SH2D4A: variants seen among roughly 807,000 people sequenced by gnomAD.
SH2D4A encodes SH2 domain containing 4A.
Under a neutral mutation model 64.7 loss-of-function variants are expected in SH2D4A, and 70 were observed. That is an observed-to-expected ratio of 1.08 (90% CI 0.89 to 1.32). The LOEUF is 1.32. Among genes scored for constraint, SH2D4A ranks in the 40% most tolerant of loss-of-function variants. SH2D4A has a pLI of 0.00. For missense variants in SH2D4A, 706 were observed against 540.1 expected (o/e 1.31, Z -3.04); for synonymous variants, 268 against 200.7 (o/e 1.34, Z -2.83).
At chr8:19,390,931 C>T (rs924577616) in intron 8 of SH2D4A, among the ~76,000 whole-genome samples, 2 of 152,182 alleles carry the variant, frequency 1.3e-5, no homozygotes, top group Admixed American at 6.5e-5. Flanking sequence ...TTTTAGGAAT[C>T]CAGATTCATC....
intron 1 of SH2D4A, among the ~76,000 whole-genome samples, chr8:19,317,303 AT>A (rs761621347): frequency 0.39 from 37,900 of 97,392 alleles, 4,318 homozygotes; most frequent in Middle Eastern, 0.42. Flanking sequence ...CAAGACATCC[AT>A]TTTTTTTTTT....
chr8:19,384,543 T>C (rs1294775440), intron 8 of SH2D4A, among the ~76,000 whole-genome samples: 1 of 152,204 alleles, frequency 6.6e-6, no homozygotes, highest in Non-Finnish European at 1.5e-5. Flanking sequence ...GATAGCCAGA[T>C]TCCAACATTA....
chr8:19,356,760 C>A (rs1286495798), intron 4 of SH2D4A, among the ~76,000 whole-genome samples: 1 of 152,188 alleles, frequency 6.6e-6, no homozygotes, highest in Non-Finnish European at 1.5e-5. Context: ...TCCCACGCAC[C>A]AAACTTGTGC....
At chr8:19,330,767 C>CAA (rs146121853) in intron 2 of SH2D4A, among the ~76,000 whole-genome samples, 2 of 147,196 alleles carry the variant, frequency 1.4e-5, no homozygotes, top group East Asian at 2.0e-4. Context: ...CTCTTGCTGT[C>CAA]AAAAAAAAAA....
intron 8 of SH2D4A, among the ~76,000 whole-genome samples, chr8:19,391,443 A>G (rs2053491270): frequency 6.6e-6 from 1 of 152,130 alleles, no homozygotes; most frequent in Admixed American, 6.5e-5. Flanking sequence ...GATACATGCA[A>G]TGCATGTGCA....
chr8:19,360,029 A>G (rs559010898), intron 5 of SH2D4A, among the ~76,000 whole-genome samples: 235 of 152,316 alleles, frequency 1.5e-3, no homozygotes, highest in Non-Finnish European at 2.8e-3. Context: ...TCGTCTTGTG[A>G]GCACTCAGAA....
In SH2D4A at chr8:19,329,296, G is replaced by C. The variant is rs552158183; in HGVS notation, c.182-3659G>C. On this transcript the variant is annotated intron_variant, in intron 2 of 9. Transcript: ENST00000265807. ...TGGACTTAGTAGAAAATCCACTGTG[G>C]TTATAATGTATGCTGCCCTGGCCCT... Among the ~76,000 whole-genome samples, 4 of 152,164 alleles carry C rather than the reference G, an allele frequency of 2.6e-5. No individual in the cohort carries two copies. In the South Asian group the frequency reaches 6.2e-4, roughly 24 times the overall value.
At chr8:19,333,491 A>C (rs1033129123) in intron 3 of SH2D4A, among the ~76,000 whole-genome samples, 2 of 152,140 alleles carry the variant, frequency 1.3e-5, no homozygotes, top group Non-Finnish European at 2.9e-5. Context: ...ATGCAGGCCG[A>C]CGCAGCTGAG....
chr8:19,390,692 C>A (rs1419087307), intron 8 of SH2D4A, among the ~76,000 whole-genome samples: 2 of 152,192 alleles, frequency 1.3e-5, no homozygotes, highest in South Asian at 2.1e-4. Flanking sequence ...CCCTTTGGAA[C>A]CTGCCCTCTG....
intron 7 of SH2D4A, among the ~76,000 whole-genome samples, chr8:19,368,277 A>T (rs2053035044): frequency 6.6e-6 from 1 of 152,146 alleles, no homozygotes; most frequent in Non-Finnish European, 1.5e-5. Context: ...GTATATTTTA[A>T]AGTCATTTAG....
At chr8:19,344,327 G>A (rs1404220100) in intron 4 of SH2D4A, among the ~76,000 whole-genome samples, 1 of 152,124 alleles carries the variant, frequency 6.6e-6, no homozygotes, top group Non-Finnish European at 1.5e-5. Flanking sequence ...AAATGAATCA[G>A]TGGGAGGCCC....
intron 8 of SH2D4A, among the ~76,000 whole-genome samples, chr8:19,384,252 A>G (rs931766583): frequency 1.9e-4 from 29 of 152,164 alleles, no homozygotes; most frequent in African/African-American, 7.0e-4. Flanking sequence ...CAGAGAATGA[A>G]GTTTTTTGGG....
At chr8:19,367,683 G>T (rs1001573521) in intron 7 of SH2D4A, among the ~76,000 whole-genome samples, 3 of 152,104 alleles carry the variant, frequency 2.0e-5, no homozygotes, top group African/African-American at 7.2e-5. Context: ...TCTTTACTCT[G>T]TTGATTGTTT....
chr8:19,318,900 G>A (rs2052135361), intron 1 of SH2D4A, among the ~76,000 whole-genome samples: 1 of 152,022 alleles, frequency 6.6e-6, no homozygotes, highest in Admixed American at 6.6e-5. Flanking sequence ...GGTTTGGGAT[G>A]AGTTACTCTG....
In SH2D4A at chr8:19,394,980, T is replaced by C; in HGVS notation, c.*338T>C. On this transcript the variant is annotated 3_prime_UTR_variant, in exon 10 of 10. Transcript: ENST00000265807. Reference sequence around the variant, plus strand: ...TAAGGTGTACTTGAAAACGAATATCTATCATATGACCCCTGCACTCCCTCT... The same window carrying C: ...TAAGGTGTACTTGAAAACGAATATCCATCATATGACCCCTGCACTCCCTCT... The C allele has an allele frequency of 6.1e-6, 1 of 162,894 alleles. No individual in the cohort carries two copies. Among genetic ancestry groups the C allele is most frequent in the Non-Finnish European group, 1.3e-5 (1 of 75,270 alleles). The allele number at this position is 162,894 out of a possible 1,614,324, so 10.1% of individuals were successfully genotyped here. A position where few individuals can be genotyped will look rare whatever the true frequency, so the allele number is the denominator to read the frequency against.
intron 8 of SH2D4A, 76 bp from the exon 9 acceptor site, chr8:19,393,242 A>C: frequency 7.5e-7 from 1 of 1,339,148 alleles, no homozygotes; most frequent in Non-Finnish European, 1.1e-6. Context: ...CTCTATATCC[A>C]TGCAGCTGGA....
At position 19,319,329 on chromosome 8, in the gene SH2D4A, T is replaced by G; in HGVS notation, c.-204-15T>G. ...TTTAACACGCTGCCTGAATGTGGGC[T>G]CTTTCTCTCTGCAGGTTCAGTGAAC... On this transcript the variant is annotated splice_polypyrimidine_tract_variant and intron_variant, in intron 1 of 9. Coordinates refer to ENST00000265807, the MANE Select transcript of SH2D4A (RefSeq NM_022071.4). The G allele has an allele frequency of 8.3e-7, 1 of 1,204,710 alleles. No individual in the cohort carries two copies. Among genetic ancestry groups the G allele is most frequent in the Non-Finnish European group, 1.0e-6 (1 of 970,782 alleles). The allele number at this position is 1,204,710 out of a possible 1,614,324, so 74.6% of individuals were successfully genotyped here. A position where few individuals can be genotyped will look rare whatever the true frequency, so the allele number is the denominator to read the frequency against.
intron 4 of SH2D4A, among the ~76,000 whole-genome samples, chr8:19,355,137 C>G (rs1026726267): frequency 6.6e-6 from 1 of 152,046 alleles, no homozygotes; most frequent in Non-Finnish European, 1.5e-5. Context: ...TTGAAACATT[C>G]TCTGCAATAC....
intron 7 of SH2D4A, among the ~76,000 whole-genome samples, chr8:19,370,453 C>A (rs1563205549): frequency 6.6e-6 from 1 of 151,902 alleles, no homozygotes; most frequent in African/African-American, 2.4e-5. Flanking sequence ...TATAACTGTT[C>A]TTGCTGTATT....
Sources: gnomAD v4.1 joint callset for allele counts (sites outside exome capture counted in the v4.1 genomes callset) on GRCh38, gnomAD v4.1.1 for gene constraint, MANE v1.5 for transcripts, NCBI Gene and HGNC (gene_info 2026-07-23, HGNC 2026-07-21) for gene names.